PPP1R7: variants seen among roughly 807,000 people sequenced by gnomAD.
PPP1R7 encodes the protein protein phosphatase 1 regulatory subunit 22.
PPP1R7 carries 18 observed loss-of-function variants against 45.2 expected under a neutral mutation model. That is an observed-to-expected ratio of 0.40 (90% confidence interval 0.28 to 0.59). PPP1R7 has a LOEUF of 0.59. Among genes scored for constraint, PPP1R7 ranks in the 20% least tolerant of loss-of-function variants. The pLI is 0.46. For synonymous variants in PPP1R7, 181 were observed against 183.4 expected (o/e 0.99, Z 0.11); for missense variants, 314 against 455.8 (o/e 0.69, Z 2.83).
chr2:241,174,676 C>G (rs1574729132), intron 9 of PPP1R7, among the ~76,000 whole-genome samples: 1 of 151,584 alleles, frequency 6.6e-6, no homozygotes, highest in African/African-American at 2.4e-5. Context: ...ATATTTTATC[C>G]TCTTTTTTTT....
chr2:241,165,829 C>A (rs929312651), intron 7 of PPP1R7, among the ~76,000 whole-genome samples: 3 of 151,404 alleles, frequency 2.0e-5, no homozygotes, highest in Admixed American at 2.0e-4. Flanking sequence ...GATCTCATAA[C>A]CTCATGATCC....
At chr2:241,157,739 A>G (rs1479183094) in intron 2 of PPP1R7, 68 bp from the exon 3 acceptor site, 1 of 1,483,996 alleles carries the variant, frequency 6.7e-7, no homozygotes, top group Non-Finnish European at 9.3e-7. Context: ...CCTCAGCCAG[A>G]AGCAGCTCTT....
At chr2:241,149,649 G>A (rs2067188824), upstream of PPP1R7, 5 of 1,541,298 alleles carry the variant, frequency 3.2e-6, no homozygotes, top group South Asian at 1.2e-5. Flanking sequence ...AAGGAATAAT[G>A]GGCGCCTCCG....
In PPP1R7 at chr2:241,160,406, T is replaced by G; in HGVS notation, c.509T>G (p.Phe170Cys). The stretch of plus-strand genomic sequence containing the variant: ...AAGTTGACACGACTGAAAAAACTCT[T>G]CTTGGTCAACAATAAAATCAGTAAA... ...VDKLTRLKKL[F>C]LVNNKISKIE... Residue 170 changes from phenylalanine (F) to cysteine (C), a missense_variant, in exon 6 of 10, where the codon TTC becomes TGC. By Grantham distance (205) the Phe-to-Cys change is radical (BLOSUM62 -2). This residue lies in a region of PPP1R7 where 168 missense variants were observed against 285.3 expected (regional missense o/e 0.59). Coordinates refer to ENST00000234038, the MANE Select transcript of PPP1R7 (RefSeq NM_002712.3). The G allele has an allele frequency of 1.9e-5, 30 of 1,613,320 alleles. No homozygotes were observed. Among genetic ancestry groups the G allele is most frequent in the Non-Finnish European group, 2.5e-5 (30 of 1,179,788 alleles).
chr2:241,159,107 A>C (rs1026416996), intron 4 of PPP1R7, 106 bp from the exon 5 acceptor site: 2 of 1,341,626 alleles, frequency 1.5e-6, no homozygotes, highest in African/African-American at 2.9e-5. Flanking sequence ...GAATGAAGAC[A>C]TGTCCTTCTA....
intron 6 of PPP1R7, among the ~76,000 whole-genome samples, chr2:241,160,753 A>C (rs1440621666): frequency 6.6e-6 from 1 of 152,250 alleles, no homozygotes; most frequent in Admixed American, 6.5e-5. Flanking sequence ...ACCCTGAATC[A>C]CACTGTTCCC....
intron 1 of PPP1R7, chr2:241,151,673 C>G: frequency 2.4e-6 from 1 of 418,048 alleles, no homozygotes; most frequent in South Asian, 1.7e-5. Context: ...CTCCCACTCC[C>G]TCTTCAGCTG....
At chr2:241,164,356 G>A (rs1312488082) in intron 7 of PPP1R7, among the ~76,000 whole-genome samples, 1 of 152,212 alleles carries the variant, frequency 6.6e-6, no homozygotes, top group Admixed American at 6.5e-5. Flanking sequence ...CCATTGCACA[G>A]AGAATATCAA....
intron 1 of PPP1R7, among the ~76,000 whole-genome samples, chr2:241,151,008 C>G (rs986800120): frequency 2.6e-5 from 4 of 152,106 alleles, no homozygotes; most frequent in Admixed American, 2.6e-4. Context: ...GAAGGGGTAA[C>G]AAGGAACCGG....
chr2:241,149,735 G>A (rs929962583), upstream of PPP1R7: 23 of 1,546,196 alleles, frequency 1.5e-5, no homozygotes, highest in Non-Finnish European at 1.9e-5. Context: ...TCGCCTCTTG[G>A]AGGCCTCTTT....
Position 241,167,165 on chromosome 2 carries a change from T to C in PPP1R7, c.819+724T>C, listed in dbSNP as rs1378336116. The C allele has an allele frequency of 1.7e-5, 21 of 1,223,366 alleles. No individual in the cohort carries two copies. In the South Asian group the frequency reaches 2.2e-4, roughly 13 times the overall value. 75.8% of individuals were successfully genotyped at this position (1,223,366 alleles called of 1,614,324 possible). On this transcript the variant is annotated intron_variant, in intron 8 of 9. Coordinates refer to ENST00000234038, the MANE Select transcript of PPP1R7 (RefSeq NM_002712.3). ...TGTTCAAGACAAATAAAAGACTTTT[T>C]CTCATTCAATTTTACTTGTTTTTTT... is the stretch of plus-strand genomic sequence containing the variant.
Position 241,153,466 on chromosome 2 carries a change from G to T in PPP1R7, c.53-10G>T. ...TGGATGTGAATTCTCATTGACATGT[G>T]TGGGTTCAGTTGACAGGCGGGTCGA... On this transcript the variant is annotated splice_polypyrimidine_tract_variant and intron_variant, in intron 1 of 9. Coordinates refer to ENST00000234038, the MANE Select transcript of PPP1R7 (RefSeq NM_002712.3). The T allele has an allele frequency of 6.2e-7, 1 of 1,614,194 alleles. No homozygotes were observed. The highest frequency in any genetic ancestry group is 8.5e-7 in the Non-Finnish European group (1 of 1,180,004).
rs1278648621 is a variant in PPP1R7 at position 241,183,109 on chromosome 2, T to A, written c.*286T>A. 6.8e-6 allele frequency: 3 copies of A among 442,158 alleles called. No homozygotes were observed. The Admixed American group carries it at 1.0e-4, about 15-fold the overall frequency. The allele number at this position is 442,158 out of a possible 1,614,324, so 27.4% of individuals were successfully genotyped here. A position where few individuals can be genotyped will look rare whatever the true frequency, so the allele number is the denominator to read the frequency against. On this transcript the variant is annotated 3_prime_UTR_variant, in exon 10 of 10. Coordinates refer to ENST00000234038, the MANE Select transcript of PPP1R7 (RefSeq NM_002712.3). ...TCATTCGCTAGAAATCCCTGTTTCCTTCTCTCAGAAGGCAGTCACAGTCCC... is the reference window on the plus strand; with the variant it reads ...TCATTCGCTAGAAATCCCTGTTTCCATCTCTCAGAAGGCAGTCACAGTCCC...
chr2:241,167,946 G>C (rs2067748333), intron 8 of PPP1R7, among the ~76,000 whole-genome samples: 1 of 152,070 alleles, frequency 6.6e-6, no homozygotes, highest in African/African-American at 2.4e-5. Context: ...TTTGTCCCAG[G>C]TGGGAACTTA....
chr2:241,181,467 A>T (rs1322741911), intron 9 of PPP1R7, among the ~76,000 whole-genome samples: 1 of 152,002 alleles, frequency 6.6e-6, no homozygotes, highest in Non-Finnish European at 1.5e-5. Context: ...CTTACCTGGG[A>T]TGTTTCCCAA....
chr2:241,167,038 C>T, intron 8 of PPP1R7: 2 of 1,612,184 alleles, frequency 1.2e-6, no homozygotes, highest in Non-Finnish European at 1.7e-6. Flanking sequence ...CGGCCCTTCT[C>T]ACTCAGGTGC....
upstream of PPP1R7, chr2:241,150,063 A>G: frequency 7.5e-7 from 1 of 1,332,810 alleles, no homozygotes; most frequent in South Asian, 1.7e-5. Context: ...GGATGCACGT[A>G]GGACTGGCCC....
rs549769107 is a variant in PPP1R7, at chr2:241,166,953, G to T, written c.819+512G>T. 6.5e-6 allele frequency: 7 copies of T among 1,085,024 alleles called. No individual in the cohort carries two copies. The East Asian group carries it at 9.7e-5, about 15-fold the overall frequency. The allele number at this position is 1,085,024 out of a possible 1,614,324, so 67.2% of individuals were successfully genotyped here. On this transcript the variant is annotated intron_variant, in intron 8 of 9. Coordinates refer to ENST00000234038, the MANE Select transcript of PPP1R7 (RefSeq NM_002712.3). ...CCTTCCTCTTCTTACAGTATGAGCA[G>T]CTTCCTCCTCCCCCATTCCTCCCTG...
chr2:241,155,412 AT>A (rs1215108960), intron 2 of PPP1R7: 1 of 152,142 alleles, frequency 6.6e-6, no homozygotes, highest in African/African-American at 2.4e-5. Context: ...CTGATTATGA[AT>A]TTTCTGGGAA....
Sources: allele counts gnomAD v4.1 joint callset (sites outside exome capture counted in the v4.1 genomes callset), GRCh38; gene constraint gnomAD v4.1.1; regional missense constraint gnomAD v4.1.1; transcripts MANE v1.5; gene names NCBI Gene and HGNC (gene_info 2026-07-23, HGNC 2026-07-21).